DUS2: variants seen among roughly 807,000 people sequenced by gnomAD.
DUS2 encodes the protein dihydrouridine synthase 2.
Under a neutral mutation model 71.3 loss-of-function variants are expected in DUS2, and 52 were observed. The observed-to-expected ratio is 0.73, with a 90% CI of 0.58 to 0.92. The LOEUF is 0.92. Among genes scored for constraint, DUS2 ranks in the 40% least tolerant of loss-of-function variants. The probability of loss-of-function intolerance (pLI) is 0.00; values close to 1 mark genes in which losing one functional copy is unlikely to be tolerated. For missense variants in DUS2, 558 were observed against 622.6 expected (o/e 0.90, Z 1.10); for synonymous variants, 204 against 227.8 (o/e 0.90, Z 0.94).
At chr16:68,029,629 G>T (rs1404059319) in intron 2 of DUS2, among the ~76,000 whole-genome samples, 1 of 151,534 alleles carries the variant, frequency 6.6e-6, no homozygotes, top group Non-Finnish European at 1.5e-5. Flanking sequence ...GTATTTTTTG[G>T]TATAGATGGG....
chr16:68,027,471 G>A (rs9972737), intron 2 of DUS2, among the ~76,000 whole-genome samples: 3,851 of 152,234 alleles, frequency 0.025, 160 homozygotes, highest in African/African-American at 0.086. Context: ...TCAAACTCCC[G>A]ACTTTAGGTA....
rs753234215 is a variant in DUS2 at position 68,053,603 on chromosome 16, G to C, written c.212G>C (p.Arg71Pro). The part of the protein sequence containing the change: ...STVDFVAPDD[R>P]VVFRTCEREQ... ...GTGGACTTTGTCGCCCCTGATGATC[G>C]AGTTGTCTTCCGCACCTGTGAAAGA... The change falls in exon 5 of 17, where the codon CGA (arginine) becomes CCA (proline). Residue 71 changes from arginine to proline, a missense_variant. Arg to Pro is a moderately radical substitution (Grantham distance 103, BLOSUM62 -2). Transcript: ENST00000565263. 1.2e-6 allele frequency: 2 copies of C among 1,614,044 alleles called. No homozygotes were observed. The highest frequency in any genetic ancestry group is 1.7e-6 in the Non-Finnish European group (2 of 1,180,034).
At chr16:68,053,796 T>C (rs955204385) in intron 5 of DUS2, 141 bp downstream of exon 5, 2 of 790,408 alleles carry the variant, frequency 2.5e-6, no homozygotes, top group African/African-American at 3.4e-5. Flanking sequence ...GCTTTAATGT[T>C]TTCCAAAGAG....
intron 7 of DUS2, among the ~76,000 whole-genome samples, chr16:68,058,089 T>A (rs775492443): frequency 2.6e-5 from 4 of 151,702 alleles, no homozygotes; most frequent in Non-Finnish European, 5.9e-5. Flanking sequence ...GAATATGAGG[T>A]AGACACAGGG....
chr16:68,061,386 A>G (rs2033938338), intron 8 of DUS2, among the ~76,000 whole-genome samples: 1 of 152,180 alleles, frequency 6.6e-6, no homozygotes, highest in African/African-American at 2.4e-5. Context: ...ACTCACAGAG[A>G]ACCTCCTCTG....
At chr16:68,033,634 AT>A (rs548683357) in intron 2 of DUS2, among the ~76,000 whole-genome samples, 2,629 of 125,354 alleles carry the variant, frequency 0.021, 39 homozygotes, top group Admixed American at 0.058. Context: ...ACAGGTGCTA[AT>A]TTTTTTTTTT....
At chr16:68,028,011 C>T (rs2033380720) in intron 2 of DUS2, among the ~76,000 whole-genome samples, 1 of 152,086 alleles carries the variant, frequency 6.6e-6, no homozygotes, top group Non-Finnish European at 1.5e-5. Flanking sequence ...GGAGACCAGA[C>T]CTTATATTTA....
At chr16:68,067,886 C>T (rs2034032211) in intron 10 of DUS2, among the ~76,000 whole-genome samples, 1 of 152,116 alleles carries the variant, frequency 6.6e-6, no homozygotes, top group Non-Finnish European at 1.5e-5. Flanking sequence ...TCTCAAACTC[C>T]TGGGCTTAAG....
chr16:68,067,611 A>G (rs1165204160), intron 10 of DUS2, among the ~76,000 whole-genome samples: 1 of 151,260 alleles, frequency 6.6e-6, no homozygotes, highest in East Asian at 2.0e-4. Context: ...TTGAGCAATG[A>G]CTTCTCCCTT....
chr16:68,078,367 G>C lies in DUS2; in HGVS notation c.1171-78G>C, dbSNP rs2034187286. The C allele has an allele frequency of 1.0e-5, 14 of 1,350,378 alleles. No homozygotes were observed. In the South Asian group the frequency reaches 1.5e-4, roughly 15 times the overall value. 83.6% of individuals were successfully genotyped at this position (1,350,378 alleles called of 1,614,324 possible). A position where few individuals can be genotyped will look rare whatever the true frequency, so the allele number is the denominator to read the frequency against. ...AGGTTGGAAACACTTCCTTTTATCT[G>C]CCTTTGATTTGACCCCAGCAGTTTG... On this transcript the variant is annotated intron_variant, in intron 15 of 16. Coordinates refer to ENST00000565263, the MANE Select transcript of DUS2 (RefSeq NM_017803.5).
intron 13 of DUS2, among the ~76,000 whole-genome samples, chr16:68,075,090 C>T (rs1273890018): frequency 6.6e-6 from 1 of 152,208 alleles, no homozygotes; most frequent in Non-Finnish European, 1.5e-5. Flanking sequence ...AGAGAGGCTG[C>T]AGGTGGTGGG....
At chr16:68,057,398 TAA>T (rs140371332) in intron 7 of DUS2, among the ~76,000 whole-genome samples, 6 of 121,396 alleles carry the variant, frequency 4.9e-5, no homozygotes, top group Admixed American at 8.5e-5. Flanking sequence ...AGGAGGATTA[TAA>T]AAAAAAAAAA....
At chr16:68,034,171 T>G (rs1377156060) in intron 2 of DUS2, among the ~76,000 whole-genome samples, 1 of 152,152 alleles carries the variant, frequency 6.6e-6, no homozygotes, top group Non-Finnish European at 1.5e-5. Flanking sequence ...CAGGCTCTAG[T>G]GATCTCACCT....
chr16:68,030,770 CACCCAGG>C (rs1050516637), intron 2 of DUS2, among the ~76,000 whole-genome samples: 3 of 152,018 alleles, frequency 2.0e-5, no homozygotes, highest in African/African-American at 7.2e-5. Flanking sequence ...CTTGCTCTGT[CACCCAGG>C]CTGGAGTACA....
chr16:68,023,452 C>T (rs1244945714), intron 1 of DUS2, 101 bp downstream of exon 1: 7 of 546,300 alleles, frequency 1.3e-5, no homozygotes, highest in Non-Finnish European at 2.3e-5. Flanking sequence ...TACGAGGCGG[C>T]AGTGGGGCCT....
chr16:68,061,990 A>G (rs931214235), intron 8 of DUS2, among the ~76,000 whole-genome samples: 4 of 143,576 alleles, frequency 2.8e-5, no homozygotes, highest in Admixed American at 6.7e-5. Flanking sequence ...GAGATACTCT[A>G]TCTATAGTGC....
intron 14 of DUS2, among the ~76,000 whole-genome samples, chr16:68,076,126 C>T (rs1289736556): frequency 1.3e-5 from 2 of 152,102 alleles, no homozygotes; most frequent in African/African-American, 4.8e-5. Context: ...ATGACCCCTC[C>T]CACCCTGTCA....
At chr16:68,062,780 GA>G (rs2033958172) in intron 8 of DUS2, among the ~76,000 whole-genome samples, 1 of 150,046 alleles carries the variant, frequency 6.7e-6, no homozygotes, top group South Asian at 2.1e-4. Flanking sequence ...GCCAGCTTGT[GA>G]ACTATAGTCT....
intron 3 of DUS2, among the ~76,000 whole-genome samples, chr16:68,044,755 A>G (rs1443638406): frequency 6.6e-6 from 1 of 151,440 alleles, no homozygotes; most frequent in African/African-American, 2.4e-5. Flanking sequence ...TGAGTCTCAT[A>G]CCTCTTTTTT....
Sources: gnomAD v4.1 joint callset for allele counts (sites outside exome capture counted in the v4.1 genomes callset) on GRCh38, gnomAD v4.1.1 for gene constraint, MANE v1.5 for transcripts, NCBI Gene and HGNC (gene_info 2026-07-23, HGNC 2026-07-21) for gene names.